SEMA3A: variants seen among roughly 807,000 people sequenced by gnomAD.
SEMA3A encodes the protein semaphorin-3A.
Under a neutral mutation model 97.9 loss-of-function variants are expected in SEMA3A, and 29 were observed. That is an observed-to-expected ratio of 0.30 (90% CI 0.22 to 0.40). The LOEUF (loss-of-function observed/expected upper bound fraction) is 0.40. SEMA3A is among the 10% of genes least tolerant of loss of function. The pLI is 1.00. For missense variants in SEMA3A, 763 were observed against 951.3 expected (o/e 0.80, Z 2.60); for synonymous variants, 321 against 323.7 (o/e 0.99, Z 0.09).
At chr7:84,399,084 C>T (rs1025746118) in intron 1 of SEMA3A, among the ~76,000 whole-genome samples, 2 of 152,072 alleles carry the variant, frequency 1.3e-5, no homozygotes, top group African/African-American at 4.8e-5. Flanking sequence ...TCCTCCAACC[C>T]CAAGGAGCAC....
chr7:84,194,860 G>T (rs117353187), upstream of SEMA3A: 3 of 178,324 alleles, frequency 1.7e-5, no homozygotes, highest in East Asian at 2.4e-4. Flanking sequence ...TGTGTGGAAA[G>T]AAAAAAAAAA....
intron 3 of SEMA3A, among the ~76,000 whole-genome samples, chr7:84,292,325 C>T (rs1800768530): frequency 6.6e-6 from 1 of 151,728 alleles, no homozygotes. Context: ...TACTATGGCA[C>T]ATGGTTTTAT....
chr7:84,278,973 A>G (rs1304533378), intron 3 of SEMA3A, among the ~76,000 whole-genome samples: 1 of 152,156 alleles, frequency 6.6e-6, no homozygotes, highest in Non-Finnish European at 1.5e-5. Context: ...AGTAATTATT[A>G]TAATACTCTA....
intron 2 of SEMA3A, among the ~76,000 whole-genome samples, chr7:84,312,153 G>A (rs1801339946): frequency 6.6e-6 from 1 of 151,834 alleles, no homozygotes; most frequent in Non-Finnish European, 1.5e-5. Flanking sequence ...ATTTTTTGTT[G>A]ATGGTCACTA....
At chr7:84,222,577 T>G (rs2116339420) in intron 3 of SEMA3A, among the ~76,000 whole-genome samples, 1 of 152,042 alleles carries the variant, frequency 6.6e-6, no homozygotes, top group South Asian at 2.1e-4. Flanking sequence ...TATGAAGAAT[T>G]AGTTTTACTT....
In SEMA3A at chr7:84,483,589, T is replaced by A. The variant is rs568359135; in HGVS notation, c.-246+8871A>T. On this transcript the variant is annotated intron_variant, in intron 1 of 3. Coordinates refer to the SEMA3A transcript ENST00000424555. ...ACTACTTAAGGACTGCCTGAATTGGTGCCCCAACAGTGCTTTGCTAGTGGT... is the reference window on the plus strand; with the variant it reads ...ACTACTTAAGGACTGCCTGAATTGGAGCCCCAACAGTGCTTTGCTAGTGGT... 3.3e-4 allele frequency among the ~76,000 whole-genome samples: 50 copies of A among 152,336 alleles called. 1 individual carries two copies. In the South Asian group the frequency reaches 9.7e-3, roughly 30 times the overall value.
At chr7:84,186,454 C>A (rs1797890061) in intron 1 of SEMA3A, among the ~76,000 whole-genome samples, 1 of 152,108 alleles carries the variant, frequency 6.6e-6, no homozygotes, top group South Asian at 2.1e-4. Context: ...GGGATAATAA[C>A]AACGGAACAG....
chr7:84,449,824 AC>A (rs1260860365), intron 1 of SEMA3A, among the ~76,000 whole-genome samples: 45 of 152,272 alleles, frequency 3.0e-4, no homozygotes, highest in African/African-American at 1.0e-3. Flanking sequence ...GTTAAGTGGA[AC>A]CATGCAATAT....
chr7:84,093,386 G>A (rs753335446), intron 4 of SEMA3A, among the ~76,000 whole-genome samples: 37 of 152,090 alleles, frequency 2.4e-4, no homozygotes, highest in Non-Finnish European at 1.0e-4. Flanking sequence ...CATACATAAT[G>A]GTAGACTACA....
intron 2 of SEMA3A, among the ~76,000 whole-genome samples, chr7:84,310,156 T>C (rs1280651240): frequency 6.6e-6 from 1 of 152,160 alleles, no homozygotes; most frequent in Non-Finnish European, 1.5e-5. Context: ...GTCATCATGC[T>C]GGTTGAAAAT....
At chr7:84,116,045 C>T (rs577540038) in intron 3 of SEMA3A, among the ~76,000 whole-genome samples, 15 of 152,166 alleles carry the variant, frequency 9.9e-5, no homozygotes, top group African/African-American at 3.6e-4. Flanking sequence ...TGAGATGTAG[C>T]CTTAGGGAAA....
chr7:84,054,405 C>T (rs1236727511), intron 5 of SEMA3A, among the ~76,000 whole-genome samples: 2 of 152,056 alleles, frequency 1.3e-5, no homozygotes, highest in East Asian at 1.9e-4. Flanking sequence ...GGAGGCTTTG[C>T]TCATTTCTTT....
At chr7:84,350,940 G>A (rs1425196655) in intron 2 of SEMA3A, among the ~76,000 whole-genome samples, 5 of 151,980 alleles carry the variant, frequency 3.3e-5, no homozygotes, top group African/African-American at 1.2e-4. Context: ...TAAAAGTAAG[G>A]TGAGTTGTGT....
intron 1 of SEMA3A, among the ~76,000 whole-genome samples, chr7:84,189,740 A>G (rs1022762592): frequency 6.6e-6 from 1 of 151,710 alleles, no homozygotes; most frequent in Non-Finnish European, 1.5e-5. Flanking sequence ...AACATATGCA[A>G]TCATATTAAT....
At chr7:84,238,121 G>A (rs765284812) in intron 3 of SEMA3A, among the ~76,000 whole-genome samples, 15 of 151,822 alleles carry the variant, frequency 9.9e-5, no homozygotes, top group Admixed American at 6.6e-4. Flanking sequence ...CCAGACTGGA[G>A]TGCAGTGTGA....
At chr7:84,492,610 G>A (rs1454007951) in exon 1 of SEMA3A, 1 of 152,104 alleles carries the variant, frequency 6.6e-6, no homozygotes, top group Non-Finnish European at 1.5e-5. Flanking sequence ...TCACACTGAT[G>A]CTAGAGAGCC....
At chr7:84,163,155 A>G (rs924667504) in intron 1 of SEMA3A, among the ~76,000 whole-genome samples, 1 of 152,184 alleles carries the variant, frequency 6.6e-6, no homozygotes, top group Admixed American at 6.5e-5. Flanking sequence ...AAATTGCTAG[A>G]GCTAAAATTT....
chr7:84,045,071 A>G (rs1284133797), intron 6 of SEMA3A, among the ~76,000 whole-genome samples: 1 of 152,030 alleles, frequency 6.6e-6, no homozygotes, highest in Non-Finnish European at 1.5e-5. Flanking sequence ...ATCGATCAGA[A>G]CAAAGGTTGT....
intron 1 of SEMA3A, among the ~76,000 whole-genome samples, chr7:84,405,523 C>G (rs2116229451): frequency 6.6e-6 from 1 of 152,284 alleles, no homozygotes; most frequent in East Asian, 1.9e-4. Context: ...AGGAATTGAA[C>G]TCAGCTCTGC....
Sources: allele counts gnomAD v4.1 joint callset (sites outside exome capture counted in the v4.1 genomes callset), GRCh38; gene constraint gnomAD v4.1.1; transcripts MANE v1.5; gene names NCBI Gene and HGNC (gene_info 2026-07-23, HGNC 2026-07-21).